Variants in PLN observed in about 807,000 individuals in gnomAD.
The protein encoded by PLN is cardiac phospholamban.
In PLN, 1 loss-of-function variant was observed where a neutral mutation model predicts 3.9. The observed-to-expected ratio is 0.26, with a 90% confidence interval of 0.09 to 1.23. The LOEUF is 1.23. Among genes scored for constraint, PLN ranks in the 50% most tolerant of loss-of-function variants. The pLI is 0.48. For missense variants in PLN, 59 were observed against 62.7 expected (o/e 0.94, Z 0.20); for synonymous variants, 21 against 20.5 (o/e 1.02, Z -0.07).
At position 118,559,168 on chromosome 6, in the gene PLN, C is replaced by A; in HGVS notation, c.*88C>A. On this transcript the variant is annotated 3_prime_UTR_variant, in exon 2 of 2. Transcript: ENST00000357525. ...CAGACAGGAAAACAATATTGTATAA[C>A]AGACCACTTCCTGAGTAGAAGAGTT... 1 of 945,118 alleles carries A rather than the reference C, an allele frequency of 1.1e-6. No individual in the cohort carries two copies. Among genetic ancestry groups the A allele is most frequent in the Non-Finnish European group, 1.8e-6 (1 of 569,302 alleles). 58.5% of individuals were successfully genotyped at this position (945,118 alleles called of 1,614,324 possible).
At chr6:118,549,542 G>T (rs1348154596) in intron 1 of PLN, among the ~76,000 whole-genome samples, 1 of 151,252 alleles carries the variant, frequency 6.6e-6, no homozygotes, top group Non-Finnish European at 1.5e-5. Context: ...TAATTCTATT[G>T]CTCACTACAA....
chr6:118,553,386 AG>A (rs2114939894), intron 1 of PLN, among the ~76,000 whole-genome samples: 1 of 152,320 alleles, frequency 6.6e-6, no homozygotes, highest in Admixed American at 6.5e-5. Context: ...AATGTATGAC[AG>A]GAAGCCCCAT....
chr6:118,558,756 A>G, intron 1 of PLN, 69 bp from the exon 2 acceptor site: 1 of 660,456 alleles, frequency 1.5e-6, no homozygotes, highest in South Asian at 1.7e-5. Context: ...TTAGTGTAAA[A>G]TTGTATTTTT....
chr6:118,554,834 A>T (rs182947026), intron 1 of PLN, among the ~76,000 whole-genome samples: 1 of 152,194 alleles, frequency 6.6e-6, no homozygotes, highest in Admixed American at 6.5e-5. Context: ...GAGATAGAAC[A>T]ACATGTGCAA....
intron 1 of PLN, among the ~76,000 whole-genome samples, chr6:118,552,806 A>G (rs1307998598): frequency 6.6e-6 from 1 of 152,098 alleles, no homozygotes; most frequent in Non-Finnish European, 1.5e-5. Context: ...ATCCACAGAC[A>G]TAAGATACTC....
intron 1 of PLN, among the ~76,000 whole-genome samples, chr6:118,556,771 G>A (rs533988604): frequency 3.9e-5 from 6 of 152,118 alleles, no homozygotes; most frequent in South Asian, 2.1e-4. Context: ...TTTTTTCTCC[G>A]TTTTTCATTT....
chr6:118,556,391 A>G (rs2114955939), intron 1 of PLN, among the ~76,000 whole-genome samples: 1 of 152,316 alleles, frequency 6.6e-6, no homozygotes, highest in African/African-American at 2.4e-5. Context: ...ATGAAGGGGG[A>G]CAGAGTCTCA....
At chr6:118,548,552 G>A (rs928088425) in intron 1 of PLN, among the ~76,000 whole-genome samples, 160 bp downstream of exon 1, 12 of 151,990 alleles carry the variant, frequency 7.9e-5, no homozygotes, top group Non-Finnish European at 1.8e-4. Context: ...ATTTATAAAT[G>A]CTTATCCATT....
chr6:118,553,218 A>T (rs1362299779), intron 1 of PLN, among the ~76,000 whole-genome samples: 3 of 14,680 alleles, frequency 2.0e-4, no homozygotes, highest in African/African-American at 7.6e-4. Context: ...AAGAAATTAA[A>T]AAAAAAAAAA....
In PLN at chr6:118,558,646, CACACACACACACACAG is replaced by C. The variant is rs1359281186; in HGVS notation, c.-97-177_-97-162del. Among the ~76,000 whole-genome samples the C allele has an allele frequency of 0.023, 3,274 of 143,290 alleles. 115 individuals are homozygous for C. The highest frequency in any genetic ancestry group is 0.084 in the African/African-American group (3,072 of 36,778). The allele number at this position is 143,290 out of a possible 152,430, so 94.0% of individuals were successfully genotyped here. ...GCACATACACACACACACACACACA[CACACACACACACACAG>C]AGAGAGAGAGAGAGAGAGAGAGAGA... is the stretch of plus-strand genomic sequence containing the variant. On this transcript the variant is annotated intron_variant, in intron 1 of 1. Coordinates refer to ENST00000357525, the MANE Select transcript of PLN (RefSeq NM_002667.5).
chr6:118,559,171 A>G lies in PLN; in HGVS notation c.*91A>G. ...ACAGGAAAACAATATTGTATAACAG[A>G]CCACTTCCTGAGTAGAAGAGTTTCT... On this transcript the variant is annotated 3_prime_UTR_variant, in exon 2 of 2. Transcript: ENST00000357525. The G allele has an allele frequency of 2.1e-6, 2 of 933,982 alleles. No individual in the cohort carries two copies. The highest frequency in any genetic ancestry group is 3.6e-6 in the Non-Finnish European group (2 of 559,288). 57.9% of individuals were successfully genotyped at this position (933,982 alleles called of 1,614,324 possible).
At chr6:118,554,083 T>A (rs1298499573) in intron 1 of PLN, among the ~76,000 whole-genome samples, 1 of 152,010 alleles carries the variant, frequency 6.6e-6, no homozygotes, top group Non-Finnish European at 1.5e-5. Flanking sequence ...AGCTCAGGAG[T>A]TTGAGACCAG....
chr6:118,557,019 T>C (rs1175173062), intron 1 of PLN, among the ~76,000 whole-genome samples: 2 of 152,166 alleles, frequency 1.3e-5, no homozygotes, highest in Non-Finnish European at 2.9e-5. Flanking sequence ...TAAGTAGAAG[T>C]CTGTAAATAG....
At chr6:118,558,660 C>CAGAGAGAGAGAGAGAGAGAG (rs369698272) in intron 1 of PLN, among the ~76,000 whole-genome samples, 165 bp from the exon 2 acceptor site, 2 of 122,214 alleles carry the variant, frequency 1.6e-5, no homozygotes, top group African/African-American at 6.5e-5. Context: ...CACACACACA[C>CAGAGAGAGAGAGAGAGAGAG]AGAGAGAGAG....
rs1779136916 is a variant in PLN, at chr6:118,560,115, A to G, written c.*1035A>G. The G allele has an allele frequency of 6.0e-6, 1 of 167,042 alleles. No homozygotes were observed. The highest frequency in any genetic ancestry group is 1.5e-5 in the Non-Finnish European group (1 of 68,116). 10.3% of individuals were successfully genotyped at this position (167,042 alleles called of 1,614,324 possible). A position where few individuals can be genotyped will look rare whatever the true frequency, so the allele number is the denominator to read the frequency against. On this transcript the variant is annotated 3_prime_UTR_variant, in exon 2 of 2. Transcript: ENST00000357525. ...AAATATATGAATTCTCTCTCCAAAT[A>G]TTAACTAATTATTAGATTATATTTT...
At chr6:118,549,707 T>C (rs139659697) in intron 1 of PLN, among the ~76,000 whole-genome samples, 21 of 151,912 alleles carry the variant, frequency 1.4e-4, no homozygotes, top group African/African-American at 5.1e-4. Flanking sequence ...AGGTGTCTTA[T>C]GTTATTTGTG....
chr6:118,549,377 A>G (rs1195618443), intron 1 of PLN, among the ~76,000 whole-genome samples: 3 of 151,770 alleles, frequency 2.0e-5, no homozygotes, highest in Non-Finnish European at 3.0e-5. Flanking sequence ...TTATGTTACA[A>G]TCCTCAATTT....
At chr6:118,558,689 GGAGA>G (rs1339733111) in intron 1 of PLN, 132 bp from the exon 2 acceptor site, 3 of 307,886 alleles carry the variant, frequency 9.7e-6, no homozygotes, top group East Asian at 1.1e-4. Context: ...AGAGAGAGAG[GGAGA>G]GAGACTATAG....
intron 1 of PLN, among the ~76,000 whole-genome samples, chr6:118,555,352 C>T (rs930799091): frequency 2.6e-4 from 39 of 147,660 alleles, no homozygotes; most frequent in African/African-American, 8.5e-4. Flanking sequence ...GGCGTGAACC[C>T]GGGAGGTGGA....
Sources: allele counts gnomAD v4.1 joint callset (sites outside exome capture counted in the v4.1 genomes callset), GRCh38; gene constraint gnomAD v4.1.1; transcripts MANE v1.5; gene names NCBI Gene and HGNC (gene_info 2026-07-23, HGNC 2026-07-21).